SLC28A3: variants seen among roughly 807,000 people sequenced by gnomAD.
SLC28A3 encodes concentrative Na(+)-nucleoside cotransporter 3.
In SLC28A3, 68 loss-of-function variants were observed where a neutral mutation model predicts 84.2. The observed-to-expected ratio is 0.81, with a 90% CI of 0.66 to 0.99. The LOEUF (loss-of-function observed/expected upper bound fraction) is 0.99. Among genes scored for constraint, SLC28A3 ranks in the 50% least tolerant of loss-of-function variants. The pLI is 0.00. For missense variants in SLC28A3, 712 were observed against 841.5 expected, an observed-to-expected ratio of 0.85 and a Z score of 1.90; for synonymous variants, 267 against 303.6, an observed-to-expected ratio of 0.88 and a Z score of 1.25.
chr9:84,343,374 T>C (rs1302993980), upstream of SLC28A3, among the ~76,000 whole-genome samples: 2 of 152,198 alleles, frequency 1.3e-5, no homozygotes, highest in African/African-American at 4.8e-5. Context: ...TCTCTGGGCC[T>C]GATAGATTTT....
chr9:84,313,431 G>A lies in SLC28A3; in HGVS notation c.84C>T (p.Asn28=), dbSNP rs746482008. ...TTGAGTTGTTTCCTGATGTGTTCTC[G>A]TTCTCAAGAAAGTTTTCTTCATTCT... ...GFQNEENFLE[N]ENTSGNNSIR... is the part of the protein sequence containing the mutation. Residue 28 remains asparagine, a synonymous_variant, in exon 2 of 18, where the codon AAC becomes AAT. Coordinates refer to ENST00000376238, the MANE Select transcript of SLC28A3 (RefSeq NM_001199633.2). 1.1e-5 allele frequency: 17 copies of A among 1,613,746 alleles called. No individual in the cohort carries two copies. The highest frequency in any genetic ancestry group is 6.7e-5 in the East Asian group (3 of 44,894).
chr9:84,332,171 CTGT>C (rs753246948), intron 1 of SLC28A3, among the ~76,000 whole-genome samples: 5 of 152,288 alleles, frequency 3.3e-5, no homozygotes, highest in East Asian at 1.9e-4. Context: ...GCATAATACC[CTGT>C]TGTTCTCAAC....
intron 2 of SLC28A3, chr9:84,310,655 A>G: frequency 4.2e-6 from 4 of 942,982 alleles, no homozygotes; most frequent in South Asian, 4.9e-5. Flanking sequence ...CAAAAATCCT[A>G]TAATTCCACG....
intron 3 of SLC28A3, among the ~76,000 whole-genome samples, chr9:84,307,121 C>A (rs10123041): frequency 7.0e-6 from 1 of 142,750 alleles, no homozygotes; most frequent in African/African-American, 2.7e-5. Flanking sequence ...GTCACTGCAC[C>A]CCGTCTCAAC....
the SLC28A3 span, among the ~76,000 whole-genome samples, chr9:84,367,361 A>G: frequency 6.6e-6 from 1 of 152,236 alleles, no homozygotes; most frequent in Admixed American, 6.5e-5. Flanking sequence ...TGACCCCAAA[A>G]GCCTGCCTGG....
chr9:84,356,584 C>A, the SLC28A3 span, among the ~76,000 whole-genome samples: 1 of 152,174 alleles, frequency 6.6e-6, no homozygotes, highest in Non-Finnish European at 1.5e-5. Context: ...GTAATCCCAG[C>A]ACTTTGGGAG....
Position 84,290,139 on chromosome 9 carries a change from C to T in SLC28A3, c.1149+15G>A, listed in dbSNP as rs1229262626. 1 of 1,611,258 alleles carries T rather than the reference C, an allele frequency of 6.2e-7. No homozygotes were observed. The highest frequency in any genetic ancestry group is 8.5e-7 in the Non-Finnish European group (1 of 1,178,710). ...AGAAGAGGTTGGTGTTTTCATAATT[C>T]CAAAACATTCTTACCCCAAAAGAAA... On this transcript the variant is annotated intron_variant, in intron 11 of 17. Transcript: ENST00000376238.
intron 2 of SLC28A3, 23 bp from the exon 3 acceptor site, chr9:84,309,737 G>A (rs1319210143): frequency 6.2e-7 from 1 of 1,607,432 alleles, no homozygotes; most frequent in East Asian, 2.2e-5. Flanking sequence ...CATTGGAGCA[G>A]AGATGGAATA....
intron 1 of SLC28A3, among the ~76,000 whole-genome samples, chr9:84,329,421 T>A (rs1826692527): frequency 6.6e-6 from 1 of 152,228 alleles, no homozygotes; most frequent in African/African-American, 2.4e-5. Context: ...ATACACATTC[T>A]TCTCAAGTGC....
At chr9:84,290,938 A>G (rs1172174901) in intron 10 of SLC28A3, among the ~76,000 whole-genome samples, 1 of 152,222 alleles carries the variant, frequency 6.6e-6, no homozygotes, top group African/African-American at 2.4e-5. Context: ...TGATGGGTGG[A>G]AAGGAAGAAG....
intron 11 of SLC28A3, among the ~76,000 whole-genome samples, chr9:84,289,024 C>A (rs1396640982): frequency 6.6e-6 from 1 of 152,178 alleles, no homozygotes; most frequent in African/African-American, 2.4e-5. Context: ...TACACGACTT[C>A]TGTTTTCTTT....
At chr9:84,292,457 CTCTCTGTCTCTCTCTCTG>C in intron 10 of SLC28A3, 193 bp downstream of exon 10, 4 of 482,766 alleles carry the variant, frequency 8.3e-6, no homozygotes, top group Non-Finnish European at 1.4e-5. Context: ...GTCTCTCTGT[CTCTCTGTCTCTCTCTCTG>C]TCTCTCTCTC....
In SLC28A3 at chr9:84,294,587, TAAA is replaced by T. The variant is rs575302851; in HGVS notation, c.862-315_862-313del. ...TCAGAAAATATTCTTGTCCTGGTGC[TAAA>T]AAGACATGGGCTTCACCACTAGTTA... is the stretch of plus-strand genomic sequence containing the variant. On this transcript the variant is annotated intron_variant, in intron 8 of 17. Transcript: ENST00000376238. 5.3e-4 allele frequency among the ~76,000 whole-genome samples: 80 copies of T among 152,292 alleles called. 2 individuals are homozygous for T. Among genetic ancestry groups the T allele is most frequent in the African/African-American group, 1.9e-3 (80 of 41,562 alleles).
At chr9:84,310,190 A>G (rs1009981588) in intron 2 of SLC28A3, among the ~76,000 whole-genome samples, 30 of 152,168 alleles carry the variant, frequency 2.0e-4, no homozygotes, top group Admixed American at 6.6e-5. Flanking sequence ...CTAGCTTGGC[A>G]CCTTCAAGAG....
In SLC28A3 at chr9:84,302,273, A is replaced by T. The variant is rs773475433; in HGVS notation, c.451T>A (p.Tyr151Asn). ...FVVWDHLMAK[Y>N]EHRIDEMLSP... is the part of the protein sequence containing the mutation. ...AGCATCTCATCAATTCGATGTTCGT[A>T]TTTGGCCATCAGGTGATCCCAGACA... The change falls in exon 5 of 18, where the codon TAC (tyrosine) becomes AAC (asparagine). Residue 151 changes from tyrosine to asparagine, a missense_variant. Tyr to Asn is a moderately radical substitution (Grantham distance 143, BLOSUM62 -2). Coordinates refer to ENST00000376238, the MANE Select transcript of SLC28A3 (RefSeq NM_001199633.2). The T allele has an allele frequency of 6.2e-7, 1 of 1,614,176 alleles. No individual in the cohort carries two copies. Among genetic ancestry groups the T allele is most frequent in the Non-Finnish European group, 8.5e-7 (1 of 1,180,016 alleles).
upstream of SLC28A3, among the ~76,000 whole-genome samples, chr9:84,341,731 T>G (rs989878073): frequency 6.6e-6 from 1 of 152,200 alleles, no homozygotes; most frequent in African/African-American, 2.4e-5. Context: ...TTTGTTTTCA[T>G]AAAGCAATTC....
intron 3 of SLC28A3, among the ~76,000 whole-genome samples, chr9:84,308,755 C>A (rs1825884676): frequency 6.6e-6 from 1 of 152,174 alleles, no homozygotes; most frequent in Non-Finnish European, 1.5e-5. Flanking sequence ...GACTAGGAAT[C>A]AGAAGCTGAA....
intron 16 of SLC28A3, 55 bp downstream of exon 16, chr9:84,279,920 T>C (rs1824673793): frequency 1.1e-5 from 17 of 1,569,610 alleles, no homozygotes; most frequent in Non-Finnish European, 1.5e-5. Flanking sequence ...CTGCCTGTCC[T>C]GAAAGCTGCC....
chr9:84,290,185 C>T lies in SLC28A3; in HGVS notation c.1118G>A (p.Gly373Glu). 6.2e-7 allele frequency: 1 copy of T among 1,614,134 alleles called. No homozygotes were observed. The highest frequency in any genetic ancestry group is 8.5e-7 in the Non-Finnish European group (1 of 1,179,990). ...IMTAGFSTIAGSVLGAYISFG... is the reference protein window; with the variant it reads ...IMTAGFSTIAESVLGAYISFG... ...AGAAATGTATGCACCTAGCACGCTT[C>T]CAGCAATGGTAGAGAACCCGGCGGT... is the stretch of plus-strand genomic sequence containing the variant. Residue 373 changes from glycine (G) to glutamate (E), a missense_variant, in exon 11 of 18, where the codon GGA becomes GAA. Physicochemically the swap from Gly to Glu is moderately conservative, Grantham distance 98. Coordinates refer to ENST00000376238, the MANE Select transcript of SLC28A3 (RefSeq NM_001199633.2).
Sources: allele counts gnomAD v4.1 joint callset (sites outside exome capture counted in the v4.1 genomes callset), GRCh38; gene constraint gnomAD v4.1.1; transcripts MANE v1.5; gene names NCBI Gene and HGNC (gene_info 2026-07-23, HGNC 2026-07-21).